ESRRB: variants seen among roughly 807,000 people sequenced by gnomAD.
ESRRB encodes estrogen related receptor beta, also known as steroid hormone receptor ERR2.
A neutral mutation model predicts 46.0 loss-of-function variants in ESRRB; 16 were observed. The observed-to-expected ratio is 0.35, with a 90% CI of 0.24 to 0.53. The LOEUF is 0.53. Ranked by LOEUF, ESRRB falls within the 20% of genes least tolerant of loss-of-function variation. ESRRB has a pLI of 0.93. For synonymous variants in ESRRB, 246 were observed against 259.6 expected (o/e 0.95, Z 0.50); for missense variants, 488 against 607.4 (o/e 0.80, Z 2.07).
chr14:76,314,408 C>T (rs549664105), intron 1 of ESRRB, among the ~76,000 whole-genome samples: 122 of 152,232 alleles, frequency 8.0e-4, no homozygotes, highest in African/African-American at 2.8e-3. Context: ...TGCTCCAGTT[C>T]GGAGGTGAGA....
At chr14:76,382,458 G>C (rs189291260) in intron 1 of ESRRB, among the ~76,000 whole-genome samples, 150 of 152,308 alleles carry the variant, frequency 9.8e-4, no homozygotes, top group Non-Finnish European at 1.6e-3. Flanking sequence ...ACCCCAGAGA[G>C]GGAGAGAAGG....
chr14:76,444,627 T>A (rs1888056085), intron 2 of ESRRB, among the ~76,000 whole-genome samples: 2 of 152,054 alleles, frequency 1.3e-5, no homozygotes, highest in South Asian at 2.1e-4. Context: ...CTCAAGCAAT[T>A]CTCTTGCCTC....
chr14:76,343,599 C>T (rs911837198), intron 1 of ESRRB, among the ~76,000 whole-genome samples: 3 of 152,204 alleles, frequency 2.0e-5, no homozygotes, highest in African/African-American at 4.8e-5. Context: ...GGAGCTCAGT[C>T]GAGGGGACTG....
chr14:76,351,665 G>C (rs1249440377), intron 1 of ESRRB, among the ~76,000 whole-genome samples: 9 of 152,176 alleles, frequency 5.9e-5, no homozygotes, highest in Admixed American at 5.2e-4. Context: ...ACCACCTTCT[G>C]GGTGAAGGTG....
rs1245533466 is a variant in ESRRB, at chr14:76,498,799, C to G, written c.*341C>G. ...GTGCCCTCTCCCCTCCACCGAGCCA[C>G]CAAGAGGCAGCATGTGCATTTCCTA... On this transcript the variant is annotated 3_prime_UTR_variant, in exon 7 of 7. Transcript: ENST00000644823. 5.0e-6 allele frequency: 3 copies of G among 603,286 alleles called. No homozygotes were observed. Among genetic ancestry groups the G allele is most frequent in the Non-Finnish European group, 9.6e-6 (3 of 312,276 alleles). The allele number at this position is 603,286 out of a possible 1,614,324, so 37.4% of individuals were successfully genotyped here.
rs149318942 is a variant in ESRRB at position 76,343,208 on chromosome 14, T to C, written c.2+32292T>C. On this transcript the variant is annotated intron_variant, in intron 1 of 6. Transcript: ENST00000512784. ...CTGAGCCAAGTGAGAGGGAGGGTGG[T>C]CCAAGAAGTTGTTGGAGAGACAGAT... 2.3e-3 allele frequency among the ~76,000 whole-genome samples: 346 copies of C among 152,242 alleles called. 3 individuals are homozygous for C. The highest frequency in any genetic ancestry group is 7.7e-3 in the African/African-American group (320 of 41,530).
chr14:76,312,434 G>T (rs1357320613), intron 1 of ESRRB, among the ~76,000 whole-genome samples: 2 of 151,894 alleles, frequency 1.3e-5, no homozygotes, highest in Non-Finnish European at 2.9e-5. Context: ...TATTTTGGAC[G>T]GGAGAGTGGG....
intron 6 of ESRRB, among the ~76,000 whole-genome samples, chr14:76,495,924 C>G (rs1445243817): frequency 6.6e-6 from 1 of 152,138 alleles, no homozygotes; most frequent in Non-Finnish European, 1.5e-5. Context: ...CAGGCAGGAA[C>G]CAGTCTGTGT....
chr14:76,440,100 A>G (rs79873827), intron 2 of ESRRB, among the ~76,000 whole-genome samples: 3,674 of 152,238 alleles, frequency 0.024, 70 homozygotes, highest in African/African-American at 0.051. Context: ...GTGCGGGGGA[A>G]AAATATAATT....
intron 1 of ESRRB, among the ~76,000 whole-genome samples, chr14:76,366,045 A>G (rs950432008): frequency 6.6e-6 from 1 of 152,174 alleles, no homozygotes; most frequent in African/African-American, 2.4e-5. Context: ...TTTGCTTGTT[A>G]TTAAATGCCA....
intron 1 of ESRRB, among the ~76,000 whole-genome samples, chr14:76,383,464 A>G (rs946514011): frequency 1.3e-5 from 2 of 152,230 alleles, no homozygotes; most frequent in Non-Finnish European, 2.9e-5. Flanking sequence ...ACAAGGAAAT[A>G]CAGGTGTAAG....
At chr14:76,333,034 T>C (rs1477404770) in intron 1 of ESRRB, among the ~76,000 whole-genome samples, 2 of 3,764 alleles carry the variant, frequency 5.3e-4, no homozygotes, top group Non-Finnish European at 1.0e-3. Context: ...ATATTATATA[T>C]ATTATATATT....
Position 76,498,527 on chromosome 14 carries a change from C to T in ESRRB, c.*69C>T. Reference sequence around the variant, plus strand: ...GGACAGACCGAGGTGGAGACCTCCACAGCCACCAGCCTCCACCTTCAACCC... The same window carrying T: ...GGACAGACCGAGGTGGAGACCTCCATAGCCACCAGCCTCCACCTTCAACCC... On this transcript the variant is annotated 3_prime_UTR_variant, in exon 7 of 7. Transcript: ENST00000644823. The T allele has an allele frequency of 1.9e-6, 3 of 1,610,738 alleles. No individual in the cohort carries two copies. The highest frequency in any genetic ancestry group is 2.5e-6 in the Non-Finnish European group (3 of 1,179,306).
rs1555389289 is a variant in ESRRB at position 76,332,562 on chromosome 14, T to TTTATATA, written c.2+21649_2+21655dup. Among the ~76,000 whole-genome samples the TTTATATA allele has an allele frequency of 3.5e-4, 10 of 28,914 alleles. 1 individual carries two copies. Among genetic ancestry groups the TTTATATA allele is most frequent in the East Asian group, 1.1e-3 (1 of 890 alleles). The allele number at this position is 28,914 out of a possible 152,430, so 19.0% of individuals were successfully genotyped here. A position where few individuals can be genotyped will look rare whatever the true frequency, so the allele number is the denominator to read the frequency against. On this transcript the variant is annotated intron_variant, in intron 1 of 6. Transcript: ENST00000512784. Reference sequence around the variant, plus strand: ...ATAATATATATTTATATAATATATATTTATATATTTATATATTATATATTT... The same window carrying TTTATATA: ...ATAATATATATTTATATAATATATATTTATATATTATATATTTATATATTATATATTT...
intron 1 of ESRRB, among the ~76,000 whole-genome samples, chr14:76,317,533 G>A (rs1355679729): frequency 1.3e-5 from 2 of 152,096 alleles, no homozygotes; most frequent in Non-Finnish European, 1.5e-5. Context: ...AGGGTGCCTA[G>A]GGCCTCCTCA....
chr14:76,321,525 G>A (rs996667750), intron 1 of ESRRB, among the ~76,000 whole-genome samples: 12 of 152,158 alleles, frequency 7.9e-5, no homozygotes, highest in African/African-American at 2.9e-4. Context: ...ATCTCTCCTT[G>A]TGTTAACTGT....
In ESRRB at chr14:76,500,345, G is replaced by T; in HGVS notation, c.*1887G>T. On this transcript the variant is annotated 3_prime_UTR_variant, in exon 7 of 7. Transcript: ENST00000644823. Reference sequence around the variant, plus strand: ...TGAGTCACTTGATGAGTAGGCACTGGAGCCGTTACCCAGGATGCTGCGGCC... The same window carrying T: ...TGAGTCACTTGATGAGTAGGCACTGTAGCCGTTACCCAGGATGCTGCGGCC... The T allele has an allele frequency of 1.7e-6, 1 of 585,818 alleles. No individual in the cohort carries two copies. 36.3% of individuals were successfully genotyped at this position (585,818 alleles called of 1,614,324 possible).
At chr14:76,429,133 G>A (rs1395012868) in intron 1 of ESRRB, among the ~76,000 whole-genome samples, 1 of 152,062 alleles carries the variant, frequency 6.6e-6, no homozygotes, top group African/African-American at 2.4e-5. Flanking sequence ...GTATTGGGGG[G>A]CTGCTTTCTA....
chr14:76,466,393 T>A (rs1232352093), intron 3 of ESRRB, among the ~76,000 whole-genome samples: 2 of 152,068 alleles, frequency 1.3e-5, no homozygotes, highest in Non-Finnish European at 2.9e-5. Context: ...ACAGAAGAAA[T>A]CAGACTTGGG....
Sources: gnomAD v4.1 joint callset for allele counts (sites outside exome capture counted in the v4.1 genomes callset) on GRCh38, gnomAD v4.1.1 for gene constraint, MANE v1.5 for transcripts, NCBI Gene and HGNC (gene_info 2026-07-23, HGNC 2026-07-21) for gene names.